The following POFUT3 variants were observed in gnomAD, a reference collection of about 807,000 sequenced individuals.
POFUT3 encodes protein O-fucosyltransferase 3.
the POFUT3 span, among the ~76,000 whole-genome samples, chr8:33,350,817 T>C: frequency 6.6e-6 from 1 of 152,096 alleles, no homozygotes; most frequent in Non-Finnish European, 1.5e-5. Flanking sequence ...AAGGGGAGTA[T>C]TGACTGCAAA....
the POFUT3 span, among the ~76,000 whole-genome samples, chr8:33,352,381 G>C: frequency 6.6e-6 from 1 of 152,218 alleles, no homozygotes; most frequent in Non-Finnish European, 1.5e-5. Context: ...CCCGTGCAAT[G>C]ATGCATTTCT....
the POFUT3 span, among the ~76,000 whole-genome samples, chr8:33,368,033 C>T: frequency 3.9e-5 from 6 of 152,160 alleles, no homozygotes; most frequent in East Asian, 1.2e-3. Flanking sequence ...AATTTTTGAC[C>T]TAATGCTCAA....
the POFUT3 span, among the ~76,000 whole-genome samples, chr8:33,309,138 TAAAAAAA>T: frequency 3.8e-4 from 16 of 41,640 alleles, no homozygotes; most frequent in African/African-American, 6.4e-4. Flanking sequence ...CTGGGGAGTG[TAAAAAAA>T]AAAAAAAAAA....
chr8:33,380,804 T>C, the POFUT3 span, among the ~76,000 whole-genome samples: 1 of 144,728 alleles, frequency 6.9e-6, no homozygotes, highest in Non-Finnish European at 1.5e-5. Flanking sequence ...ACCACTGCAC[T>C]CCAGCCTGGG....
chr8:33,440,912 G>A, the POFUT3 span, among the ~76,000 whole-genome samples: 1,653 of 152,160 alleles, frequency 0.011, 15 homozygotes, highest in Non-Finnish European at 0.017. Flanking sequence ...TCTCAACAGT[G>A]GGCAAGTGAC....
the POFUT3 span, among the ~76,000 whole-genome samples, chr8:33,331,166 C>A: frequency 6.6e-6 from 1 of 151,276 alleles, no homozygotes; most frequent in Middle Eastern, 3.4e-3. Flanking sequence ...CGTGATGAAA[C>A]CCGATTTCTA....
At chr8:33,385,452 G>T in the POFUT3 span, among the ~76,000 whole-genome samples, 6 of 152,186 alleles carry the variant, frequency 3.9e-5, no homozygotes, top group African/African-American at 1.4e-4. Context: ...TCGAGGACGG[G>T]GCCATGATGA....
chr8:33,353,556 T>C, the POFUT3 span, among the ~76,000 whole-genome samples: 1 of 152,194 alleles, frequency 6.6e-6, no homozygotes, highest in African/African-American at 2.4e-5. Flanking sequence ...CTCCTTGTTT[T>C]TCGTGCCCTT....
the POFUT3 span, among the ~76,000 whole-genome samples, chr8:33,349,701 A>AACT: frequency 6.6e-6 from 1 of 152,176 alleles, no homozygotes; most frequent in Non-Finnish European, 1.5e-5. Flanking sequence ...CATTTAGGCT[A>AACT]GTTCCATATT....
At chr8:33,380,189 C>CTATATATATATAG in the POFUT3 span, among the ~76,000 whole-genome samples, 1 of 39,880 alleles carries the variant, frequency 2.5e-5, no homozygotes, top group East Asian at 1.2e-3. Flanking sequence ...TATATATATA[C>CTATATATATATAG]TATATATATA....
At chr8:33,419,718 A>C in the POFUT3 span, among the ~76,000 whole-genome samples, 1 of 152,258 alleles carries the variant, frequency 6.6e-6, no homozygotes, top group Non-Finnish European at 1.5e-5. Flanking sequence ...AAAGAAAAGA[A>C]GGAGGATGGG....
chr8:33,381,974 C>G, the POFUT3 span, among the ~76,000 whole-genome samples: 7 of 152,164 alleles, frequency 4.6e-5, no homozygotes, highest in East Asian at 1.2e-3. Context: ...ACCTTCAATA[C>G]AATTTTTTTC....
chr8:33,434,334 T>G, the POFUT3 span, among the ~76,000 whole-genome samples: 14 of 152,254 alleles, frequency 9.2e-5, no homozygotes, highest in South Asian at 1.9e-3. Flanking sequence ...CTCTTGAATC[T>G]GATTCTCTTA....
chr8:33,353,037 A>T, the POFUT3 span, among the ~76,000 whole-genome samples: 1 of 152,224 alleles, frequency 6.6e-6, no homozygotes, highest in South Asian at 2.1e-4. Flanking sequence ...AGAGGAGAGC[A>T]ACATTTCGAA....
At chr8:33,438,700 G>T in the POFUT3 span, among the ~76,000 whole-genome samples, 3 of 152,184 alleles carry the variant, frequency 2.0e-5, no homozygotes, top group Non-Finnish European at 2.9e-5. Flanking sequence ...GGCTGGGGAG[G>T]CCTCACAATC....
At chr8:33,337,468 A>AC in the POFUT3 span, among the ~76,000 whole-genome samples, 1 of 152,146 alleles carries the variant, frequency 6.6e-6, no homozygotes, top group Non-Finnish European at 1.5e-5. Flanking sequence ...TGCCTAATAC[A>AC]CATCAGAGTT....
At chr8:33,470,754 G>C in the POFUT3 span, among the ~76,000 whole-genome samples, 1 of 152,148 alleles carries the variant, frequency 6.6e-6, no homozygotes, top group Non-Finnish European at 1.5e-5. Flanking sequence ...TGAATGAGGA[G>C]CTGGTTCAGT....
At chr8:33,415,005 T>TA in the POFUT3 span, among the ~76,000 whole-genome samples, 1 of 149,412 alleles carries the variant, frequency 6.7e-6, no homozygotes, top group Non-Finnish European at 1.5e-5. Context: ...CTCACGTCTG[T>TA]AATCCCAGCA....
chr8:33,450,627 G>C, the POFUT3 span, among the ~76,000 whole-genome samples: 1 of 152,144 alleles, frequency 6.6e-6, no homozygotes, highest in Admixed American at 6.6e-5. Context: ...AGGTAGGTTG[G>C]AGTCAGATTA....
Sources: gnomAD v4.1 joint callset for allele counts (sites outside exome capture counted in the v4.1 genomes callset) on GRCh38, gnomAD v4.1.1 for gene constraint, MANE v1.5 for transcripts, NCBI Gene and HGNC (gene_info 2026-07-23, HGNC 2026-07-21) for gene names.